The following LARP1 variants were observed in gnomAD, a reference collection of about 807,000 sequenced individuals.
The protein encoded by LARP1 is La ribonucleoprotein 1, translational regulator, also known as la-related protein 1.
LARP1 carries 36 observed loss-of-function variants against 122.7 expected under a neutral mutation model. The ratio of observed to expected loss-of-function variants is 0.29; its 90% CI spans 0.22 to 0.39. LARP1 has a LOEUF of 0.39. Ranked by LOEUF, LARP1 falls within the 10% of genes least tolerant of loss-of-function variation. The probability of loss-of-function intolerance (pLI) is 1.00; values close to 1 mark genes in which losing one functional copy is unlikely to be tolerated. For missense variants in LARP1, 1,040 were observed against 1,403.6 expected (o/e 0.74, Z 4.14); for synonymous variants, 539 against 528.7 (o/e 1.02, Z -0.27).
At chr5:154,796,094 T>A (rs868369823) in intron 8 of LARP1, among the ~76,000 whole-genome samples, 60 of 119,932 alleles carry the variant, frequency 5.0e-4, no homozygotes, top group Admixed American at 1.9e-3. Context: ...ATATATATAT[T>A]TTATATATTT....
chr5:154,711,387 A>G (rs1325422329), upstream of LARP1, among the ~76,000 whole-genome samples: 1 of 152,010 alleles, frequency 6.6e-6, no homozygotes, highest in Non-Finnish European at 1.5e-5. Flanking sequence ...TGATCCGCCC[A>G]CCTCAGCCTC....
At chr5:154,811,453 C>T in intron 17 of LARP1, 60 bp from the exon 18 acceptor site, 1 of 1,612,540 alleles carries the variant, frequency 6.2e-7, no homozygotes, top group South Asian at 1.1e-5. Context: ...CAACACCTCC[C>T]TCTCTCCTCT....
At chr5:154,767,848 G>T (rs1755082109) in intron 1 of LARP1, among the ~76,000 whole-genome samples, 1 of 152,150 alleles carries the variant, frequency 6.6e-6, no homozygotes, top group Admixed American at 6.5e-5. Flanking sequence ...TGGAAATGGT[G>T]AGTGCAAGGT....
At chr5:154,695,147 C>T (rs1316637910) in intron 1 of LARP1, among the ~76,000 whole-genome samples, 1 of 151,972 alleles carries the variant, frequency 6.6e-6, no homozygotes, top group African/African-American at 2.4e-5. Flanking sequence ...AACCCCGTCT[C>T]TACTAAAAAT....
At chr5:154,741,039 A>G (rs907170425) in intron 1 of LARP1, among the ~76,000 whole-genome samples, 2 of 152,174 alleles carry the variant, frequency 1.3e-5, no homozygotes, top group Admixed American at 1.3e-4. Flanking sequence ...TGCATGGATC[A>G]TCCTGGAAAT....
At chr5:154,812,509 C>T (rs1459350060) in intron 18 of LARP1, among the ~76,000 whole-genome samples, 1 of 68,254 alleles carries the variant, frequency 1.5e-5, no homozygotes, top group African/African-American at 6.1e-5. Flanking sequence ...GTAAAAGCCC[C>T]CCCCCCCCAC....
intron 1 of LARP1, among the ~76,000 whole-genome samples, chr5:154,767,344 G>A (rs1027056172): frequency 3.3e-5 from 5 of 152,148 alleles, no homozygotes; most frequent in African/African-American, 1.2e-4. Flanking sequence ...CCTGACTTTG[G>A]CCCAGGTCTT....
chr5:154,791,456 G>A (rs1432402222), intron 3 of LARP1, among the ~76,000 whole-genome samples: 4 of 152,096 alleles, frequency 2.6e-5, no homozygotes, highest in African/African-American at 9.7e-5. Context: ...TGATCTGCCC[G>A]CCTCGGCCTC....
At chr5:154,795,954 A>G (rs1186297567) in intron 8 of LARP1, among the ~76,000 whole-genome samples, 2 of 119,404 alleles carry the variant, frequency 1.7e-5, no homozygotes, top group Non-Finnish European at 3.2e-5. Context: ...TATATATTAT[A>G]TATATTTTTA....
At chr5:154,804,717 G>A (rs1311038375) in intron 14 of LARP1, 2 of 454,716 alleles carry the variant, frequency 4.4e-6, no homozygotes, top group African/African-American at 2.0e-5. Context: ...GCCCCAACCT[G>A]TATCTGCTGA....
intron 1 of LARP1, among the ~76,000 whole-genome samples, chr5:154,782,602 G>C (rs1359563872): frequency 6.6e-6 from 1 of 152,194 alleles, no homozygotes; most frequent in Non-Finnish European, 1.5e-5. Context: ...AGGGGATGCA[G>C]ACTCTGCATT....
chr5:154,805,854 T>G, intron 14 of LARP1, 27 bp from the exon 15 acceptor site: 1 of 1,608,114 alleles, frequency 6.2e-7, no homozygotes, highest in Non-Finnish European at 8.5e-7. Flanking sequence ...GGGAACCTGG[T>G]GACAGTATTT....
At chr5:154,734,275 G>A (rs1756756963) in intron 1 of LARP1, among the ~76,000 whole-genome samples, 2 of 151,966 alleles carry the variant, frequency 1.3e-5, no homozygotes, top group African/African-American at 4.8e-5. Flanking sequence ...ATTATATTGA[G>A]ATTAATTATT....
chr5:154,684,209 A>G (rs1753818816), intron 1 of LARP1, among the ~76,000 whole-genome samples: 1 of 152,074 alleles, frequency 6.6e-6, no homozygotes, highest in Non-Finnish European at 1.5e-5. Context: ...TTGGGAGGCC[A>G]AGGCAGGATA....
chr5:154,799,519 T>G (rs1385313961), intron 8 of LARP1, 72 bp from the exon 9 acceptor site: 16 of 1,543,798 alleles, frequency 1.0e-5, no homozygotes, highest in Admixed American at 3.5e-5. Flanking sequence ...GGAACCCAGT[T>G]GTCTACCATT....
At chr5:154,786,200 C>T (rs1450223490) in intron 1 of LARP1, among the ~76,000 whole-genome samples, 3 of 152,106 alleles carry the variant, frequency 2.0e-5, no homozygotes, top group Admixed American at 6.5e-5. Context: ...CCACCACACC[C>T]GGCTAATTTT....
chr5:154,755,754 GC>G lies in LARP1; in HGVS notation c.-3del. 1.0e-6 allele frequency: 1 copy of G among 987,270 alleles called. No individual in the cohort carries two copies. Among genetic ancestry groups the G allele is most frequent in the Non-Finnish European group, 1.2e-6 (1 of 830,444 alleles). 61.2% of individuals were successfully genotyped at this position (987,270 alleles called of 1,614,324 possible). A position where few individuals can be genotyped will look rare whatever the true frequency, so the allele number is the denominator to read the frequency against. The stretch of plus-strand genomic sequence containing the variant: ...CCGGCTTCTCCGGGGGGGCGGGCGC[GC>G]AGATGGCCACTCAGGTGGAGCCGCT... On this transcript the variant is annotated 5_prime_UTR_variant, in exon 1 of 19. Coordinates refer to ENST00000518297, the MANE Select transcript of LARP1 (RefSeq NM_033551.3).
intron 1 of LARP1, among the ~76,000 whole-genome samples, chr5:154,697,447 A>G (rs907179121): frequency 1.2e-4 from 19 of 152,224 alleles, no homozygotes; most frequent in African/African-American, 4.3e-4. Context: ...ACATCCACAC[A>G]AAACCTTGTG....
At chr5:154,742,618 T>C (rs1752958467) in intron 1 of LARP1, among the ~76,000 whole-genome samples, 1 of 151,236 alleles carries the variant, frequency 6.6e-6, no homozygotes, top group African/African-American at 2.4e-5. Flanking sequence ...TAGTTCCAGC[T>C]ATTCGGGAGT....
Sources: allele counts gnomAD v4.1 joint callset (sites outside exome capture counted in the v4.1 genomes callset), GRCh38; gene constraint gnomAD v4.1.1; transcripts MANE v1.5; gene names NCBI Gene and HGNC (gene_info 2026-07-23, HGNC 2026-07-21).